Variants in AOX1 observed in about 807,000 individuals in gnomAD.
AOX1 encodes the protein aldehyde oxidase.
A neutral mutation model predicts 169.5 loss-of-function variants in AOX1; 153 were observed. That is an observed-to-expected ratio of 0.90 (90% CI 0.79 to 1.03). The LOEUF (loss-of-function observed/expected upper bound fraction) is 1.03. Among genes scored for constraint, AOX1 ranks in the 50% least tolerant of loss-of-function variants. The probability of loss-of-function intolerance (pLI) is 0.00; values close to 1 mark genes in which losing one functional copy is unlikely to be tolerated. For synonymous variants in AOX1, 562 were observed against 581.9 expected, an observed-to-expected ratio of 0.97 and a Z score of 0.49; for missense variants, 1,656 against 1,663.9, an observed-to-expected ratio of 1.00 and a Z score of 0.08.
At chr2:200,605,199 T>C (rs907092422) in intron 9 of AOX1, among the ~76,000 whole-genome samples, 8 of 152,182 alleles carry the variant, frequency 5.3e-5, no homozygotes, top group Non-Finnish European at 8.8e-5. Flanking sequence ...GGTGTCTCAA[T>C]AGGTATATGT....
chr2:200,654,000 C>G (rs1457628193), intron 26 of AOX1, among the ~76,000 whole-genome samples: 1 of 151,976 alleles, frequency 6.6e-6, no homozygotes, highest in Non-Finnish European at 1.5e-5. Context: ...CATTCTTCCC[C>G]CATTTCTCTC....
At chr2:200,593,300 T>A (rs1326639691) in intron 2 of AOX1, 97 bp downstream of exon 2, 1 of 973,366 alleles carries the variant, frequency 1.0e-6, no homozygotes, top group Non-Finnish European at 1.6e-6. Context: ...TTAGAGACAC[T>A]GAGACATATT....
chr2:200,632,669 T>C (rs904490113), intron 20 of AOX1, among the ~76,000 whole-genome samples: 1 of 152,114 alleles, frequency 6.6e-6, no homozygotes, highest in African/African-American at 2.4e-5. Context: ...TTTAAAAACT[T>C]CCCTCAGCCA....
At chr2:200,665,621 G>A (rs544274184) in intron 31 of AOX1, among the ~76,000 whole-genome samples, 2 of 152,158 alleles carry the variant, frequency 1.3e-5, no homozygotes, top group East Asian at 1.9e-4. Flanking sequence ...TAGTAGAGAC[G>A]GCATTTCACC....
downstream of AOX1, among the ~76,000 whole-genome samples, chr2:200,681,970 C>T (rs1574973832): frequency 6.6e-6 from 1 of 151,424 alleles, no homozygotes; most frequent in Admixed American, 6.6e-5. Context: ...GCAATTGTTA[C>T]TGAAGTGTTA....
chr2:200,627,500 A>C (rs1378911066), intron 20 of AOX1, 51 bp downstream of exon 20: 3 of 1,309,794 alleles, frequency 2.3e-6, no homozygotes, highest in Non-Finnish European at 3.3e-6. Flanking sequence ...TAAGCATGTC[A>C]GTTTAAGGCT....
chr2:200,620,127 C>T (rs745666168), intron 16 of AOX1, among the ~76,000 whole-genome samples: 6 of 151,060 alleles, frequency 4.0e-5, no homozygotes, highest in Admixed American at 1.3e-4. Flanking sequence ...AGAACAACAT[C>T]ATGGATTGAC....
At chr2:200,612,903 C>G in intron 14 of AOX1, 110 bp downstream of exon 14, 1 of 807,786 alleles carries the variant, frequency 1.2e-6, no homozygotes, top group Admixed American at 3.0e-5. Flanking sequence ...TGTTCCATAC[C>G]TTTCTATTTA....
At chr2:200,670,278 A>G (rs1022108058) in intron 34 of AOX1, among the ~76,000 whole-genome samples, 3 of 152,158 alleles carry the variant, frequency 2.0e-5, no homozygotes, top group African/African-American at 4.8e-5. Context: ...GTTCACAGTT[A>G]CCACCCTGAC....
chr2:200,669,451 A>T, intron 33 of AOX1, 124 bp from the exon 34 acceptor site: 1 of 318,534 alleles, frequency 3.1e-6, no homozygotes, highest in Non-Finnish European at 4.9e-6. Flanking sequence ...ACTCTGTCTC[A>T]AAAAAAAAAA....
At chr2:200,662,734 G>A (rs931782994) in intron 30 of AOX1, 121 bp from the exon 31 acceptor site, 10 of 715,896 alleles carry the variant, frequency 1.4e-5, no homozygotes, top group Non-Finnish European at 2.0e-5. Context: ...TTAGGTGCTG[G>A]CACATACATT....
Position 200,671,464 on chromosome 2 carries a change from T to G in AOX1, c.*785T>G, listed in dbSNP as rs1461413878. 6.6e-6 allele frequency: 1 copy of G among 152,200 alleles called. No homozygotes were observed. Among genetic ancestry groups the G allele is most frequent in the Non-Finnish European group, 1.5e-5 (1 of 68,024 alleles). The allele number at this position is 152,200 out of a possible 1,614,324, so 9.4% of individuals were successfully genotyped here. ...TAACAAAATATCACATGCATAAATATTATGTATCAATAAAATTTTTTAATG... is the reference window on the plus strand; with the variant it reads ...TAACAAAATATCACATGCATAAATAGTATGTATCAATAAAATTTTTTAATG... On this transcript the variant is annotated 3_prime_UTR_variant, in exon 35 of 35. Coordinates refer to ENST00000374700, the MANE Select transcript of AOX1 (RefSeq NM_001159.4).
chr2:200,603,204 G>T, intron 6 of AOX1, 63 bp from the exon 7 acceptor site: 1 of 1,330,942 alleles, frequency 7.5e-7, no homozygotes, highest in Non-Finnish European at 1.1e-6. Context: ...GCATTCACCT[G>T]CTTTATTTAC....
downstream of AOX1, among the ~76,000 whole-genome samples, chr2:200,681,802 G>T (rs1390836008): frequency 6.6e-6 from 1 of 152,182 alleles, no homozygotes; most frequent in Non-Finnish European, 1.5e-5. Context: ...TATTGAAACA[G>T]TCTTTGTGTG....
rs747932228 is a variant in AOX1 at position 200,660,047 on chromosome 2, C to T, written c.3353C>T (p.Pro1118Leu). Reference sequence around the variant, plus strand: ...CTCGAACCCATCATCAGCAAGAATCCTAAAGGAACTTGGAAAGACTGGGTG... The same window carrying T: ...CTCGAACCCATCATCAGCAAGAATCTTAAAGGAACTTGGAAAGACTGGGTG... Reference protein sequence around the residue: ...KRLEPIISKNPKGTWKDWAQT... With the variant: ...KRLEPIISKNLKGTWKDWAQT... The change falls in exon 29 of 35, where the codon CCT becomes CTT. Residue 1118 changes from proline to leucine, a missense_variant. By Grantham distance (98) the Pro-to-Leu change is moderately conservative. Transcript: ENST00000374700. 7 of 1,613,764 alleles carry T rather than the reference C, an allele frequency of 4.3e-6. No homozygotes were observed. Among genetic ancestry groups the T allele is most frequent in the Admixed American group, 1.7e-5 (1 of 59,992 alleles).
intron 12 of AOX1, among the ~76,000 whole-genome samples, chr2:200,609,912 A>G (rs541548477): frequency 5.3e-4 from 80 of 152,310 alleles, no homozygotes; most frequent in Non-Finnish European, 8.8e-4. Context: ...AGTCCACAAC[A>G]TCTAATTTAT....
At chr2:200,622,749 A>G (rs1291461871) in intron 18 of AOX1, among the ~76,000 whole-genome samples, 1 of 152,196 alleles carries the variant, frequency 6.6e-6, no homozygotes, top group Non-Finnish European at 1.5e-5. Context: ...CAAAATCAGG[A>G]GTCTTTGGAG....
intron 10 of AOX1, among the ~76,000 whole-genome samples, chr2:200,607,018 G>A (rs1050067531): frequency 3.9e-5 from 6 of 152,114 alleles, no homozygotes; most frequent in East Asian, 1.9e-4. Context: ...CCAATACTAC[G>A]TTGAATAGTA....
Position 200,640,326 on chromosome 2 carries a change from C to T in AOX1, c.2569-772C>T, listed in dbSNP as rs114285382. Among the ~76,000 whole-genome samples the T allele has an allele frequency of 4.4e-3, 675 of 152,102 alleles. 6 individuals are homozygous for T. The highest frequency in any genetic ancestry group is 0.014 in the Middle Eastern group (4 of 294). The stretch of plus-strand genomic sequence containing the variant: ...AGTGGATCCTTGAATGGCTCAGTGC[C>T]GTAATTAAACACAGATGCTTTGGGG... On this transcript the variant is annotated intron_variant, in intron 23 of 34. Coordinates refer to ENST00000374700, the MANE Select transcript of AOX1 (RefSeq NM_001159.4).
Sources: gnomAD v4.1 joint callset for allele counts (sites outside exome capture counted in the v4.1 genomes callset) on GRCh38, gnomAD v4.1.1 for gene constraint, MANE v1.5 for transcripts, NCBI Gene and HGNC (gene_info 2026-07-23, HGNC 2026-07-21) for gene names.